Variants in RBMS2 observed in about 807,000 individuals in gnomAD.
The protein encoded by RBMS2 is RNA-binding motif, single-stranded-interacting protein 2.
RBMS2 carries 38 observed loss-of-function variants against 58.4 expected under a neutral mutation model. The ratio of observed to expected loss-of-function variants is 0.65; its 90% CI spans 0.50 to 0.85. The LOEUF (loss-of-function observed/expected upper bound fraction) is 0.85. RBMS2 is among the 40% of genes least tolerant of loss of function. RBMS2 has a pLI of 0.00. For synonymous variants in RBMS2, 151 were observed against 180.7 expected, an observed-to-expected ratio of 0.84 and a Z score of 1.32; for missense variants, 367 against 503.7, an observed-to-expected ratio of 0.73 and a Z score of 2.60.
chr12:56,534,725 T>A (rs1208562590), intron 1 of RBMS2, among the ~76,000 whole-genome samples: 2 of 152,142 alleles, frequency 1.3e-5, no homozygotes, highest in Non-Finnish European at 2.9e-5. Flanking sequence ...CACTGCAACC[T>A]CCGCCTCCCA....
intron 4 of RBMS2, 83 bp from the exon 5 acceptor site, chr12:56,571,615 C>T: frequency 1.0e-5 from 14 of 1,389,746 alleles, no homozygotes; most frequent in Non-Finnish European, 1.2e-5. Flanking sequence ...AGTCTCTTTT[C>T]TGAAATGTCA....
chr12:56,556,050 A>C (rs1879177479), intron 1 of RBMS2, among the ~76,000 whole-genome samples: 1 of 151,724 alleles, frequency 6.6e-6, no homozygotes, highest in Non-Finnish European at 1.5e-5. Flanking sequence ...GTGTCTTAAA[A>C]AAAAAAAAAA....
chr12:56,576,270 G>C (rs1427353957), intron 5 of RBMS2, among the ~76,000 whole-genome samples: 1 of 152,126 alleles, frequency 6.6e-6, no homozygotes, highest in Admixed American at 6.6e-5. Flanking sequence ...CTGAGAGGCA[G>C]AGGTTGCAGT....
intron 1 of RBMS2, among the ~76,000 whole-genome samples, chr12:56,534,579 C>T (rs1006384653): frequency 4.6e-5 from 7 of 152,136 alleles, no homozygotes; most frequent in African/African-American, 1.7e-4. Flanking sequence ...TTTATTCCTA[C>T]CACTCCACCA....
In RBMS2 at chr12:56,592,308, C is replaced by T. The variant is rs985889059; in HGVS notation, c.*3175C>T. The T allele has an allele frequency of 2.0e-5, 3 of 151,640 alleles. No individual in the cohort carries two copies. The highest frequency in any genetic ancestry group is 7.3e-5 in the African/African-American group (3 of 40,950). 9.4% of individuals were successfully genotyped at this position (151,640 alleles called of 1,614,324 possible). On this transcript the variant is annotated 3_prime_UTR_variant, in exon 14 of 14. Transcript: ENST00000262031. The stretch of plus-strand genomic sequence containing the variant: ...TTGGCATTTTTCTGTTTTCAGTCAG[C>T]TAGAACACACTAGAGTCCTTTCCTC...
rs577458401 is a variant in RBMS2, at chr12:56,575,723, C to T, written c.542+3868C>T. Among the ~76,000 whole-genome samples, 6 of 151,960 alleles carry T rather than the reference C, an allele frequency of 3.9e-5. No homozygotes were observed. The South Asian group carries it at 8.3e-4, about 21-fold the overall frequency. The stretch of plus-strand genomic sequence containing the variant: ...CAGCCTGACCAACGTGGAAAAACCC[C>T]GTCTCTACTAAAAATGCAAAATTAG... On this transcript the variant is annotated intron_variant, in intron 5 of 13. Coordinates refer to ENST00000262031, the MANE Select transcript of RBMS2 (RefSeq NM_002898.4).
chr12:56,542,244 T>TC (rs1056224782), intron 1 of RBMS2, among the ~76,000 whole-genome samples: 9 of 151,468 alleles, frequency 5.9e-5, no homozygotes, highest in Non-Finnish European at 1.2e-4. Context: ...TTCTTTTTTT[T>TC]TGTAGAGACA....
chr12:56,543,808 C>T (rs1219247470), intron 1 of RBMS2, among the ~76,000 whole-genome samples: 2 of 151,808 alleles, frequency 1.3e-5, no homozygotes, highest in East Asian at 2.0e-4. Context: ...GCTGGGATTA[C>T]AGGCGTGCGC....
intron 2 of RBMS2, among the ~76,000 whole-genome samples, chr12:56,563,041 T>C (rs1880721571): frequency 6.6e-6 from 1 of 152,072 alleles, no homozygotes; most frequent in Non-Finnish European, 1.5e-5. Flanking sequence ...GAGAATGGTG[T>C]GAACCCTGGA....
intron 9 of RBMS2, 59 bp from the exon 10 acceptor site, chr12:56,586,790 A>C (rs1884729592): frequency 3.6e-6 from 5 of 1,399,556 alleles, no homozygotes; most frequent in Non-Finnish European, 5.1e-6. Flanking sequence ...ACATTATTAG[A>C]TCTGTGGGCT....
At chr12:56,572,698 G>T (rs1405658867) in intron 5 of RBMS2, 5 of 777,868 alleles carry the variant, frequency 6.4e-6, no homozygotes, top group Non-Finnish European at 7.8e-6. Flanking sequence ...ATTTGCCCAG[G>T]GTCTTACAGG....
intron 11 of RBMS2, among the ~76,000 whole-genome samples, 167 bp from the exon 12 acceptor site, chr12:56,588,127 G>T (rs989180827): frequency 4.6e-5 from 7 of 152,164 alleles, no homozygotes; most frequent in African/African-American, 1.7e-4. Flanking sequence ...CCCTAACAGT[G>T]TACTTTAGAA....
At chr12:56,542,854 T>C (rs1565738405) in intron 1 of RBMS2, among the ~76,000 whole-genome samples, 1 of 151,636 alleles carries the variant, frequency 6.6e-6, no homozygotes, top group Non-Finnish European at 1.5e-5. Context: ...CTGGCCTCTT[T>C]ATTTATTTTT....
chr12:56,570,045 G>A, intron 4 of RBMS2, 55 bp downstream of exon 4: 1 of 1,504,248 alleles, frequency 6.6e-7, no homozygotes, highest in Middle Eastern at 1.7e-4. Flanking sequence ...TAGCACCAAA[G>A]TTCCAGTTCT....
chr12:56,549,900 A>C (rs1179498710), intron 1 of RBMS2, among the ~76,000 whole-genome samples: 3 of 152,056 alleles, frequency 2.0e-5, no homozygotes, highest in Admixed American at 1.3e-4. Context: ...GGTGGTGGGC[A>C]CTGTAATCCC....
At chr12:56,575,850 C>T (rs946267593) in intron 5 of RBMS2, among the ~76,000 whole-genome samples, 1 of 151,188 alleles carries the variant, frequency 6.6e-6, no homozygotes, top group Non-Finnish European at 1.5e-5. Context: ...GCTGAGATCA[C>T]GCCATTGCAC....
chr12:56,567,214 G>A (rs1381681023), intron 2 of RBMS2, among the ~76,000 whole-genome samples: 1 of 151,694 alleles, frequency 6.6e-6, no homozygotes, highest in Non-Finnish European at 1.5e-5. Flanking sequence ...GTGAAACCTC[G>A]TCTCTAGTAA....
intron 1 of RBMS2, among the ~76,000 whole-genome samples, chr12:56,558,028 C>CAGCTGCCTCTCTTCAATTTATTTATT (rs1879570861): frequency 7.3e-6 from 1 of 137,718 alleles, no homozygotes; most frequent in African/African-American, 2.7e-5. Context: ...CATGAGCCAC[C>CAGCTGCCTCTCTTCAATTTATTTATT]TCGCCCGGGC....
At chr12:56,570,245 G>A (rs763009931) in intron 4 of RBMS2, among the ~76,000 whole-genome samples, 5 of 152,112 alleles carry the variant, frequency 3.3e-5, no homozygotes, top group African/African-American at 4.8e-5. Context: ...GGCCTCTTCC[G>A]GTACTCCTGC....
Sources: allele counts gnomAD v4.1 joint callset (sites outside exome capture counted in the v4.1 genomes callset), GRCh38; gene constraint gnomAD v4.1.1; transcripts MANE v1.5; gene names NCBI Gene and HGNC (gene_info 2026-07-23, HGNC 2026-07-21).